The following PPP4R4 variants were observed in gnomAD, a reference collection of about 807,000 sequenced individuals.
PPP4R4 encodes protein phosphatase 4 regulatory subunit 4.
In PPP4R4, 70 loss-of-function variants were observed where a neutral mutation model predicts 121.8. That is an observed-to-expected ratio of 0.57 (90% CI 0.47 to 0.70). PPP4R4 has a LOEUF of 0.70. Ranked by LOEUF, PPP4R4 falls within the 30% of genes least tolerant of loss-of-function variation. PPP4R4 has a pLI of 0.00. For synonymous variants in PPP4R4, 348 were observed against 355.7 expected (o/e 0.98, Z 0.24); for missense variants, 875 against 1,033.6 (o/e 0.85, Z 2.10).
At chr14:94,246,701 C>T (rs1892913143) in intron 14 of PPP4R4, among the ~76,000 whole-genome samples, 162 bp downstream of exon 14, 1 of 152,274 alleles carries the variant, frequency 6.6e-6, no homozygotes, top group Non-Finnish European at 1.5e-5. Flanking sequence ...TCAGGTTTCC[C>T]TTTGCCTCCC....
chr14:94,252,231 C>T (rs73344823), intron 16 of PPP4R4, among the ~76,000 whole-genome samples: 4,592 of 152,200 alleles, frequency 0.03, 188 homozygotes, highest in African/African-American at 0.088. Flanking sequence ...AAAGAAAAGA[C>T]GGTCAGTAGC....
chr14:94,262,105 TTTG>T (rs1301797365), intron 19 of PPP4R4, among the ~76,000 whole-genome samples: 5 of 152,020 alleles, frequency 3.3e-5, no homozygotes, highest in Non-Finnish European at 7.4e-5. Flanking sequence ...TCTGACCAAG[TTTG>T]TATAACTTGG....
At chr14:94,177,560 C>T (rs1443911882) in intron 2 of PPP4R4, among the ~76,000 whole-genome samples, 1 of 152,142 alleles carries the variant, frequency 6.6e-6, no homozygotes, top group Non-Finnish European at 1.5e-5. Flanking sequence ...TAATCTACAA[C>T]AGTTAATGAT....
chr14:94,185,352 T>G (rs960094317), intron 2 of PPP4R4, among the ~76,000 whole-genome samples: 1 of 151,970 alleles, frequency 6.6e-6, no homozygotes, highest in Non-Finnish European at 1.5e-5. Flanking sequence ...CAAAAAAATT[T>G]AAGAAATTAT....
intron 2 of PPP4R4, among the ~76,000 whole-genome samples, chr14:94,196,601 A>G (rs982173604): frequency 4.6e-5 from 7 of 152,232 alleles, no homozygotes; most frequent in African/African-American, 1.7e-4. Context: ...GGCATGAGCC[A>G]CTGTGCCTGG....
At chr14:94,257,347 A>G (rs549677675) in intron 17 of PPP4R4, among the ~76,000 whole-genome samples, 1 of 152,208 alleles carries the variant, frequency 6.6e-6, no homozygotes, top group South Asian at 2.1e-4. Flanking sequence ...ATTTACTTTT[A>G]TGAATCTGAA....
At chr14:94,253,493 T>C (rs1055949358) in intron 16 of PPP4R4, among the ~76,000 whole-genome samples, 3 of 152,206 alleles carry the variant, frequency 2.0e-5, no homozygotes, top group African/African-American at 7.2e-5. Flanking sequence ...CTTTAGATTT[T>C]AGCTCTTCCT....
intron 16 of PPP4R4, among the ~76,000 whole-genome samples, chr14:94,254,436 G>A (rs1447059427): frequency 6.6e-6 from 1 of 152,186 alleles, no homozygotes; most frequent in African/African-American, 2.4e-5. Flanking sequence ...ATTAGAGAAA[G>A]CATTACTAGG....
chr14:94,182,351 C>G (rs906467299), intron 2 of PPP4R4, among the ~76,000 whole-genome samples: 9 of 152,084 alleles, frequency 5.9e-5, no homozygotes, highest in Non-Finnish European at 1.5e-5. Context: ...GTGAACACAC[C>G]CATGTACCCA....
intron 2 of PPP4R4, among the ~76,000 whole-genome samples, chr14:94,184,011 CAT>C (rs1245661066): frequency 3.3e-5 from 5 of 152,080 alleles, no homozygotes; most frequent in Non-Finnish European, 7.4e-5. Flanking sequence ...AATGTATATG[CAT>C]GTGTGTGTAT....
intron 19 of PPP4R4, 96 bp downstream of exon 19, chr14:94,259,465 C>A: frequency 7.4e-7 from 1 of 1,349,644 alleles, no homozygotes; most frequent in Non-Finnish European, 9.6e-7. Context: ...TTCACCATTT[C>A]ACATTACTCT....
intron 3 of PPP4R4, among the ~76,000 whole-genome samples, chr14:94,226,703 T>C (rs571884088): frequency 2.6e-5 from 4 of 152,282 alleles, no homozygotes; most frequent in East Asian, 1.9e-4. Context: ...GTCCCTGATC[T>C]TCAGTGTTTT....
At position 94,174,595 on chromosome 14, in the gene PPP4R4, G is replaced by A. The variant is rs1335238079; in HGVS notation, c.117+13G>A. 3 of 1,609,876 alleles carry A rather than the reference G, an allele frequency of 1.9e-6. No individual in the cohort carries two copies. In the Admixed American group the frequency reaches 5.0e-5, roughly 27 times the overall value. On this transcript the variant is annotated intron_variant, in intron 1 of 24. Coordinates refer to ENST00000304338, the MANE Select transcript of PPP4R4 (RefSeq NM_058237.2). ...CCGGAGCCTCAAGGTGCGCCCCGGG[G>A]AGAGGACCTGCCCTCACGGCGTCCG... is the stretch of plus-strand genomic sequence containing the variant.
intron 6 of PPP4R4, 103 bp downstream of exon 6, chr14:94,233,862 T>C: frequency 1.3e-6 from 1 of 757,700 alleles, no homozygotes; most frequent in South Asian, 1.8e-5. Flanking sequence ...TGCATACAAA[T>C]TTAGTTATCT....
chr14:94,208,350 C>A lies in PPP4R4; in HGVS notation c.192-114C>A, dbSNP rs1196312666. The stretch of plus-strand genomic sequence containing the variant: ...TATTTCTGGCTTAAAACTTAGAAGT[C>A]TGAGTGCTTAACATTCAAAGCAGTC... On this transcript the variant is annotated intron_variant, in intron 2 of 24. Coordinates refer to ENST00000304338, the MANE Select transcript of PPP4R4 (RefSeq NM_058237.2). The A allele has an allele frequency of 4.7e-6, 3 of 632,138 alleles. No homozygotes were observed. In the East Asian group the frequency reaches 9.6e-5, roughly 20 times the overall value. 39.2% of individuals were successfully genotyped at this position (632,138 alleles called of 1,614,324 possible).
At chr14:94,201,716 G>A (rs1890191296) in intron 2 of PPP4R4, among the ~76,000 whole-genome samples, 1 of 152,066 alleles carries the variant, frequency 6.6e-6, no homozygotes, top group South Asian at 2.1e-4. Context: ...GTCCTTATGT[G>A]TGTTTGGTGA....
At chr14:94,263,168 T>C (rs115890526) in intron 19 of PPP4R4, among the ~76,000 whole-genome samples, 219 of 152,260 alleles carry the variant, frequency 1.4e-3, no homozygotes, top group African/African-American at 5.0e-3. Context: ...TTCCCCAAAT[T>C]TGGGAAGATT....
intron 2 of PPP4R4, among the ~76,000 whole-genome samples, chr14:94,178,679 GAC>G (rs1466134868): frequency 6.6e-6 from 1 of 152,064 alleles, no homozygotes; most frequent in Non-Finnish European, 1.5e-5. Context: ...TCAAAGATTT[GAC>G]ACAGATGAAT....
intron 17 of PPP4R4, among the ~76,000 whole-genome samples, chr14:94,258,381 G>A (rs1893588626): frequency 1.3e-5 from 2 of 152,112 alleles, no homozygotes; most frequent in African/African-American, 4.8e-5. Flanking sequence ...GGGAACTAAG[G>A]ATTATTAGGC....
Sources: allele counts gnomAD v4.1 joint callset (sites outside exome capture counted in the v4.1 genomes callset), GRCh38; gene constraint gnomAD v4.1.1; transcripts MANE v1.5; gene names NCBI Gene and HGNC (gene_info 2026-07-23, HGNC 2026-07-21).